Variants in LAMA2 observed in about 807,000 individuals in gnomAD.
LAMA2 encodes the protein laminin subunit alpha 2, also known as laminin subunit alpha-2.
LAMA2 carries 269 observed loss-of-function variants against 364.8 expected under a neutral mutation model. That is an observed-to-expected ratio of 0.74 (90% CI 0.67 to 0.82). LAMA2 has a LOEUF of 0.82. LAMA2 is among the 40% of genes least tolerant of loss of function. LAMA2 has a pLI of 0.00. For missense variants in LAMA2, 3,807 were observed against 3,873.2 expected (o/e 0.98, Z 0.45); for synonymous variants, 1,379 against 1,370.6 (o/e 1.01, Z -0.14).
At chr6:129,142,867 T>C (rs1778212235) in intron 4 of LAMA2, among the ~76,000 whole-genome samples, 1 of 152,018 alleles carries the variant, frequency 6.6e-6, no homozygotes, top group Non-Finnish European at 1.5e-5. Flanking sequence ...GGAGGATCAG[T>C]ATCTTATAAA....
chr6:129,081,860 A>C (rs962358979), intron 3 of LAMA2, among the ~76,000 whole-genome samples: 3 of 152,188 alleles, frequency 2.0e-5, no homozygotes, highest in Non-Finnish European at 4.4e-5. Context: ...GAAAATAAGG[A>C]TAATTTTTAA....
In LAMA2 at chr6:129,505,344, A is replaced by C. The variant is rs200718262; in HGVS notation, c.8692A>C (p.Arg2898=). ...GGLPINYTTR[R]IGPVTYSIDG... ...GTTACCCATCAACTACACTACCCGA[A>C]GAATTGGTCCAGTAAATATCTGATT... The change falls in exon 61 of 65, where the codon AGA becomes CGA. Residue 2898 remains arginine (R), a synonymous_variant. Coordinates refer to ENST00000421865, the MANE Select transcript of LAMA2 (RefSeq NM_000426.4). 2.1e-4 allele frequency: 343 copies of C among 1,612,990 alleles called. 4 individuals carry two copies. In the Admixed American group the frequency reaches 5.5e-3, roughly 26 times the overall value.
At chr6:129,089,316 C>T (rs2114855454) in intron 3 of LAMA2, among the ~76,000 whole-genome samples, 1 of 152,336 alleles carries the variant, frequency 6.6e-6, no homozygotes, top group Non-Finnish European at 1.5e-5. Context: ...ATGCTTTGAA[C>T]TAGAGTGATT....
At chr6:129,015,219 C>T (rs1784998462) in intron 1 of LAMA2, among the ~76,000 whole-genome samples, 1 of 152,098 alleles carries the variant, frequency 6.6e-6, no homozygotes, top group Non-Finnish European at 1.5e-5. Flanking sequence ...CACCATTCCT[C>T]TTCCTAAAAA....
chr6:128,948,598 T>A (rs1402564437), intron 1 of LAMA2, among the ~76,000 whole-genome samples: 1 of 152,174 alleles, frequency 6.6e-6, no homozygotes, highest in Admixed American at 6.5e-5. Flanking sequence ...GTTTGCCCCC[T>A]TCAAATCGCA....
At position 129,270,605 on chromosome 6, in the gene LAMA2, A is replaced by T. The variant is rs139093294; in HGVS notation, c.2323-19A>T. ...CCTGACACCAAAATAATAAACTCTG[A>T]TGCTCATTTCTTTCTCAGAACTGTA... On this transcript the variant is annotated intron_variant, in intron 16 of 64. Coordinates refer to ENST00000421865, the MANE Select transcript of LAMA2 (RefSeq NM_000426.4). 351 of 1,612,532 alleles carry T rather than the reference A, an allele frequency of 2.2e-4. 3 individuals carry two copies. The African/African-American group carries it at 4.1e-3, about 19-fold the overall frequency.
intron 28 of LAMA2, among the ~76,000 whole-genome samples, chr6:129,321,022 A>G (rs1020897169): frequency 2.0e-5 from 3 of 152,214 alleles, no homozygotes; most frequent in Admixed American, 2.0e-4. Flanking sequence ...AAATATTTTT[A>G]TATAGAACAC....
chr6:129,075,230 T>A (rs2114826239), intron 3 of LAMA2, among the ~76,000 whole-genome samples: 1 of 152,218 alleles, frequency 6.6e-6, no homozygotes, highest in African/African-American at 2.4e-5. Flanking sequence ...GTAGAGTTTA[T>A]TACCAGCAGG....
intron 62 of LAMA2, among the ~76,000 whole-genome samples, chr6:129,509,706 G>T (rs1012704775): frequency 5.3e-5 from 8 of 152,130 alleles, no homozygotes; most frequent in African/African-American, 1.7e-4. Context: ...CTGTTCCACT[G>T]GTCTATGTGC....
rs761324306 is a variant in LAMA2 at position 129,353,366 on chromosome 6, A to T, written c.4717+9A>T. On this transcript the variant is annotated intron_variant, in intron 32 of 64. Coordinates refer to ENST00000421865, the MANE Select transcript of LAMA2 (RefSeq NM_000426.4). ...GGGCTGGGAGTGTGTTTGTACGTATACTAACTTTGCTGTTAGTTTTGGAGG... is the reference window on the plus strand; with the variant it reads ...GGGCTGGGAGTGTGTTTGTACGTATTCTAACTTTGCTGTTAGTTTTGGAGG... 4 of 1,611,732 alleles carry T rather than the reference A, an allele frequency of 2.5e-6. No homozygotes were observed. Among genetic ancestry groups the T allele is most frequent in the Admixed American group, 3.3e-5 (2 of 59,966 alleles).
intron 29 of LAMA2, among the ~76,000 whole-genome samples, chr6:129,333,676 A>G (rs918987836): frequency 1.3e-5 from 2 of 152,182 alleles, no homozygotes; most frequent in East Asian, 3.9e-4. Flanking sequence ...GACAAATTCA[A>G]TAGGCAATTT....
At position 129,386,068 on chromosome 6, in the gene LAMA2, T is replaced by G. The variant is rs373787590; in HGVS notation, c.5071+2835T>G. On this transcript the variant is annotated intron_variant, in intron 35 of 64. Coordinates refer to ENST00000421865, the MANE Select transcript of LAMA2 (RefSeq NM_000426.4). The stretch of plus-strand genomic sequence containing the variant: ...GTCTACTAATTCTTTCCCTAATTTA[T>G]ACAACTTTTTTTTTTACCTGTAGTG... Among the ~76,000 whole-genome samples the G allele has an allele frequency of 1.4e-4, 22 of 152,246 alleles. No homozygotes were observed. In the South Asian group the frequency reaches 4.1e-3, roughly 29 times the overall value.
chr6:129,161,671 A>G (rs1019087443), intron 8 of LAMA2, among the ~76,000 whole-genome samples: 4 of 152,126 alleles, frequency 2.6e-5, no homozygotes, highest in African/African-American at 2.4e-5. Context: ...CTTTTCAAGC[A>G]GGCCCTGGTG....
intron 2 of LAMA2, among the ~76,000 whole-genome samples, chr6:129,057,703 C>A (rs181453062): frequency 2.0e-5 from 3 of 152,184 alleles, no homozygotes; most frequent in Admixed American, 2.0e-4. Context: ...GTGGTGGAGC[C>A]AGGAGGAATA....
chr6:129,221,364 C>A (rs1583281183), intron 12 of LAMA2, among the ~76,000 whole-genome samples: 1 of 126,914 alleles, frequency 7.9e-6, no homozygotes, highest in African/African-American at 2.9e-5. Context: ...TGTAAAGACT[C>A]ATAAAATAAT....
intron 58 of LAMA2, among the ~76,000 whole-genome samples, chr6:129,498,415 A>G (rs543794382): frequency 6.6e-6 from 1 of 152,322 alleles, no homozygotes; most frequent in South Asian, 2.1e-4. Context: ...GAAAACATAC[A>G]TTTTCCACTT....
At chr6:128,992,743 A>G (rs2114663256) in intron 1 of LAMA2, among the ~76,000 whole-genome samples, 1 of 152,264 alleles carries the variant, frequency 6.6e-6, no homozygotes, top group African/African-American at 2.4e-5. Flanking sequence ...GGGTAGGAAG[A>G]CACCAGCTCT....
chr6:128,896,822 C>T (rs965457628), intron 1 of LAMA2, among the ~76,000 whole-genome samples: 6 of 152,180 alleles, frequency 3.9e-5, no homozygotes, highest in Non-Finnish European at 8.8e-5. Flanking sequence ...TTATTATTCA[C>T]TTTAATGGAA....
At chr6:129,196,417 A>G (rs1276404397) in intron 12 of LAMA2, among the ~76,000 whole-genome samples, 3 of 152,222 alleles carry the variant, frequency 2.0e-5, no homozygotes, top group Non-Finnish European at 4.4e-5. Context: ...TTGATGCTAC[A>G]TGCTTAACAC....
Sources: allele counts gnomAD v4.1 joint callset (sites outside exome capture counted in the v4.1 genomes callset), GRCh38; gene constraint gnomAD v4.1.1; transcripts MANE v1.5; gene names NCBI Gene and HGNC (gene_info 2026-07-23, HGNC 2026-07-21).